The following PIK3C2A variants were observed in gnomAD, a reference collection of about 807,000 sequenced individuals.
The protein encoded by PIK3C2A is phosphatidylinositol-4-phosphate 3-kinase catalytic subunit type 2 alpha.
A neutral mutation model predicts 204.5 loss-of-function variants in PIK3C2A; 97 were observed. That is an observed-to-expected ratio of 0.47 (90% CI 0.40 to 0.56). PIK3C2A has a LOEUF of 0.56. Ranked by LOEUF, PIK3C2A falls within the 20% of genes least tolerant of loss-of-function variation. The pLI, the probability that PIK3C2A is intolerant of heterozygous loss-of-function variation, is 0.00. For synonymous variants in PIK3C2A, 653 were observed against 664.4 expected, an observed-to-expected ratio of 0.98 and a Z score of 0.26; for missense variants, 1,735 against 1,969.2, an observed-to-expected ratio of 0.88 and a Z score of 2.25.
chr11:17,109,507 G>C (rs920431278), intron 22 of PIK3C2A, among the ~76,000 whole-genome samples: 1 of 152,170 alleles, frequency 6.6e-6, no homozygotes, highest in Non-Finnish European at 1.5e-5. Context: ...AAATAACTTT[G>C]TATGACTTTA....
intron 4 of PIK3C2A, among the ~76,000 whole-genome samples, chr11:17,149,588 A>C (rs1412276465): frequency 6.6e-6 from 1 of 152,112 alleles, no homozygotes; most frequent in Non-Finnish European, 1.5e-5. Flanking sequence ...TTTTCCAATG[A>C]AAAATAAAAA....
rs556364281 is a variant in PIK3C2A at position 17,157,388 on chromosome 11, A to C, written c.1066-1759T>G. Among the ~76,000 whole-genome samples, 142 of 142,744 alleles carry C rather than the reference A, an allele frequency of 9.9e-4. 1 individual carries two copies. The highest frequency in any genetic ancestry group is 7.1e-3 in the South Asian group (32 of 4,480). 93.6% of individuals were successfully genotyped at this position (142,744 alleles called of 152,430 possible). On this transcript the variant is annotated intron_variant, in intron 2 of 32. Transcript: ENST00000691414. Reference sequence around the variant, plus strand: ...GGCGGGAAAATTGCTTGAACCTGGGAGGCAGAGGTTGCAGTGAGCTGAGAT... The same window carrying C: ...GGCGGGAAAATTGCTTGAACCTGGGCGGCAGAGGTTGCAGTGAGCTGAGAT...
intron 2 of PIK3C2A, among the ~76,000 whole-genome samples, chr11:17,164,703 A>G (rs1051035139): frequency 1.3e-5 from 2 of 152,150 alleles, no homozygotes; most frequent in African/African-American, 4.8e-5. Flanking sequence ...TTTTTTAACT[A>G]AGATCTAGGA....
chr11:17,199,021 A>C (rs1248877840), intron 1 of PIK3C2A, among the ~76,000 whole-genome samples: 1 of 151,938 alleles, frequency 6.6e-6, no homozygotes, highest in African/African-American at 2.4e-5. Flanking sequence ...TGGGAGGATG[A>C]GACAAGAGAA....
chr11:17,146,665 G>A (rs374678237), intron 6 of PIK3C2A, among the ~76,000 whole-genome samples: 1 of 151,368 alleles, frequency 6.6e-6, no homozygotes, highest in African/African-American at 2.4e-5. Context: ...AGGTTGCAGT[G>A]AGCTAAGATC....
intron 2 of PIK3C2A, among the ~76,000 whole-genome samples, chr11:17,159,737 A>G (rs1433731428): frequency 2.6e-5 from 4 of 152,184 alleles, no homozygotes; most frequent in Admixed American, 2.6e-4. Flanking sequence ...TTATTTTCGT[A>G]TATATGGAAT....
intron 1 of PIK3C2A, among the ~76,000 whole-genome samples, chr11:17,205,382 G>T (rs997740515): frequency 6.7e-6 from 1 of 149,684 alleles, no homozygotes; most frequent in Non-Finnish European, 1.5e-5. Context: ...GCTGAGGCAG[G>T]AGAGTCACTT....
chr11:17,166,726 T>A (rs555490036), intron 2 of PIK3C2A, among the ~76,000 whole-genome samples: 1 of 152,318 alleles, frequency 6.6e-6, no homozygotes, highest in Non-Finnish European at 1.5e-5. Context: ...AATGTCTGTC[T>A]CCAGGTTCAA....
intron 2 of PIK3C2A, among the ~76,000 whole-genome samples, chr11:17,166,163 C>G (rs963810648): frequency 1.3e-5 from 2 of 152,032 alleles, no homozygotes; most frequent in African/African-American, 4.8e-5. Context: ...ATCTCAGTTT[C>G]CTCAACTGTA....
chr11:17,170,844 C>G (rs1196256426), intron 1 of PIK3C2A, among the ~76,000 whole-genome samples: 1 of 152,076 alleles, frequency 6.6e-6, no homozygotes, highest in Admixed American at 6.6e-5. Context: ...TGGCTCACAC[C>G]TGTAATCTCA....
intron 1 of PIK3C2A, among the ~76,000 whole-genome samples, chr11:17,206,892 C>T (rs1400629578): frequency 1.3e-5 from 2 of 152,206 alleles, no homozygotes; most frequent in African/African-American, 4.8e-5. Flanking sequence ...TCTTTAATAA[C>T]TAATCTTGTT....
At chr11:17,176,618 T>C (rs1266896753) in intron 1 of PIK3C2A, among the ~76,000 whole-genome samples, 2 of 151,998 alleles carry the variant, frequency 1.3e-5, no homozygotes, top group Non-Finnish European at 2.9e-5. Context: ...GCCAGACCCC[T>C]ATCTCTACCA....
intron 1 of PIK3C2A, among the ~76,000 whole-genome samples, chr11:17,172,344 T>C (rs1214269745): frequency 1.3e-5 from 2 of 152,192 alleles, no homozygotes; most frequent in Non-Finnish European, 2.9e-5. Context: ...GCCACTGCTA[T>C]GTGAATGCTC....
intron 25 of PIK3C2A, among the ~76,000 whole-genome samples, chr11:17,100,869 T>C (rs1380648755): frequency 6.6e-6 from 1 of 152,198 alleles, no homozygotes; most frequent in Non-Finnish European, 1.5e-5. Context: ...TCATAGTGGG[T>C]TCGTGTTTTT....
Position 17,107,154 on chromosome 11 carries a change from G to A in PIK3C2A, c.3545-1849C>T, listed in dbSNP as rs532619009. ...TGGTGAAACCCCATCTCTACTAAAAGTACAAAAAATTAGCCGGGTGTCGTG... is the reference window on the plus strand; with the variant it reads ...TGGTGAAACCCCATCTCTACTAAAAATACAAAAAATTAGCCGGGTGTCGTG... On this transcript the variant is annotated intron_variant, in intron 22 of 32. Coordinates refer to ENST00000691414, the MANE Select transcript of PIK3C2A (RefSeq NM_002645.4). 1.3e-4 allele frequency among the ~76,000 whole-genome samples: 20 copies of A among 151,948 alleles called. No homozygotes were observed. The South Asian group carries it at 3.7e-3, about 28-fold the overall frequency.
intron 19 of PIK3C2A, among the ~76,000 whole-genome samples, 165 bp downstream of exon 19, chr11:17,117,326 T>C (rs1849225893): frequency 6.6e-6 from 1 of 152,216 alleles, no homozygotes; most frequent in Non-Finnish European, 1.5e-5. Flanking sequence ...AATATGTTCC[T>C]ATATATTTTA....
At chr11:17,132,932 G>GGTTGGA (rs1476362102) in intron 11 of PIK3C2A, among the ~76,000 whole-genome samples, 1 of 152,116 alleles carries the variant, frequency 6.6e-6, no homozygotes, top group East Asian at 1.9e-4. Flanking sequence ...ATACAGTCAG[G>GGTTGGA]TAATCTTGTA....
intron 22 of PIK3C2A, among the ~76,000 whole-genome samples, chr11:17,105,817 AT>A (rs529385429): frequency 8.1e-4 from 123 of 152,290 alleles, no homozygotes; most frequent in Middle Eastern, 3.4e-3. Context: ...CTTCAAAAAA[AT>A]TCAAGTCTGC....
At chr11:17,123,280 T>C (rs182600788) in intron 13 of PIK3C2A, among the ~76,000 whole-genome samples, 158 of 152,226 alleles carry the variant, frequency 1.0e-3, no homozygotes, top group Non-Finnish European at 1.8e-3. Context: ...GACAGGGTCT[T>C]GCTGTCACCC....
Sources: allele counts gnomAD v4.1 joint callset (sites outside exome capture counted in the v4.1 genomes callset), GRCh38; gene constraint gnomAD v4.1.1; transcripts MANE v1.5; gene names NCBI Gene and HGNC (gene_info 2026-07-23, HGNC 2026-07-21).